Variants in INPP5D observed in about 807,000 individuals in gnomAD.
INPP5D encodes inositol polyphosphate-5-phosphatase D.
In INPP5D, 33 loss-of-function variants were observed where a neutral mutation model predicts 122.9. The observed-to-expected ratio is 0.27, with a 90% CI of 0.20 to 0.36. The LOEUF is 0.36. INPP5D is among the 10% of genes least tolerant of loss of function. The probability of loss-of-function intolerance (pLI) is 1.00; values close to 1 mark genes in which losing one functional copy is unlikely to be tolerated. For synonymous variants in INPP5D, 584 were observed against 576.2 expected, an observed-to-expected ratio of 1.01 and a Z score of -0.19; for missense variants, 1,053 against 1,412.7, an observed-to-expected ratio of 0.75 and a Z score of 4.08.
intron 6 of INPP5D, chr2:233,140,350 C>A (rs1171841770): frequency 1.3e-5 from 2 of 153,700 alleles, no homozygotes; most frequent in African/African-American, 4.8e-5. Context: ...TGGCAGGAGG[C>A]CAAGGTCGTG....
At chr2:233,175,506 C>A (rs1419642798) in intron 17 of INPP5D, among the ~76,000 whole-genome samples, 2 of 152,090 alleles carry the variant, frequency 1.3e-5, no homozygotes, top group African/African-American at 4.8e-5. Flanking sequence ...ATGAGGGAAG[C>A]TTTAGGATGA....
chr2:233,205,316 G>T (rs911929674), intron 26 of INPP5D: 1 of 133,880 alleles, frequency 7.5e-6, no homozygotes, highest in Admixed American at 8.2e-5. Flanking sequence ...CTGCACTCCA[G>T]CCTGGTGACA....
chr2:233,168,345 G>T (rs937728497), intron 13 of INPP5D, among the ~76,000 whole-genome samples: 1 of 152,222 alleles, frequency 6.6e-6, no homozygotes, highest in Admixed American at 6.5e-5. Flanking sequence ...CCACATTTCA[G>T]GTGTTTGATA....
chr2:233,118,156 C>T (rs1692857999), intron 2 of INPP5D, among the ~76,000 whole-genome samples: 1 of 152,146 alleles, frequency 6.6e-6, no homozygotes, highest in Non-Finnish European at 1.5e-5. Context: ...CACTGTCCAC[C>T]TGGAAGCCCC....
chr2:233,114,764 G>A (rs913109043), intron 2 of INPP5D, among the ~76,000 whole-genome samples: 1 of 152,156 alleles, frequency 6.6e-6, no homozygotes, highest in Non-Finnish European at 1.5e-5. Context: ...CACCACAGCC[G>A]AGTGGTGTTT....
intron 2 of INPP5D, among the ~76,000 whole-genome samples, chr2:233,083,956 G>A (rs1691760662): frequency 6.6e-6 from 1 of 152,152 alleles, no homozygotes; most frequent in Non-Finnish European, 1.5e-5. Context: ...TCACATCAAT[G>A]TTCTCTGTGA....
At position 233,146,382 on chromosome 2, in the gene INPP5D, C is replaced by T. The variant is rs1218933007; in HGVS notation, c.850C>T (p.His284Tyr). ...CTGCCCACAGGTCAAGGCCTTGCTG[C>T]ACGAGGGTCCTGAGTCTCCGCACCG... The part of the protein sequence containing the change: ...SIEDKVKALL[H>Y]EGPESPHRPS... Residue 284 changes from histidine (H) to tyrosine (Y), a missense_variant, in exon 8 of 27, where the codon CAC becomes TAC. Transcript: ENST00000445964. The T allele has an allele frequency of 1.4e-6, 1 of 704,324 alleles. No individual in the cohort carries two copies. The highest frequency in any genetic ancestry group is 1.5e-5 in the South Asian group (1 of 67,602). 43.6% of individuals were successfully genotyped at this position (704,324 alleles called of 1,614,324 possible). A position where few individuals can be genotyped will look rare whatever the true frequency, so the allele number is the denominator to read the frequency against.
rs371664239 is a variant in INPP5D, at chr2:233,204,387, C to T, written c.3237C>T (p.Pro1079=). 9 of 1,610,108 alleles carry T rather than the reference C, an allele frequency of 5.6e-6. No homozygotes were observed. Among genetic ancestry groups the T allele is most frequent in the African/African-American group, 2.7e-5 (2 of 74,844 alleles). The part of the protein sequence containing the change: ...DRGEGPGKQV[P]APRLRSFTCS... ...GCGAGGGGCCCGGCAAGCAGGTGCC[C>T]GCGCCCCGGCTGCGCTCCTTCACGT... is the stretch of plus-strand genomic sequence containing the variant. Residue 1079 remains proline, a synonymous_variant, in exon 26 of 27, where the codon CCC becomes CCT. Coordinates refer to ENST00000445964, the MANE Select transcript of INPP5D (RefSeq NM_001017915.3).
intron 25 of INPP5D, among the ~76,000 whole-genome samples, chr2:233,198,672 C>T (rs1392597278): frequency 8.5e-5 from 13 of 152,216 alleles, no homozygotes; most frequent in Admixed American, 6.5e-4. Flanking sequence ...TGTTTTGGGC[C>T]GGGCATGGTG....
At chr2:233,107,945 T>C (rs2106240208) in intron 2 of INPP5D, among the ~76,000 whole-genome samples, 1 of 152,228 alleles carries the variant, frequency 6.6e-6, no homozygotes, top group South Asian at 2.1e-4. Context: ...GCTTTTACCC[T>C]TTTCAAGTCT....
chr2:233,063,092 C>T (rs372879553), intron 1 of INPP5D, among the ~76,000 whole-genome samples: 15 of 152,272 alleles, frequency 9.9e-5, no homozygotes, highest in Admixed American at 6.5e-5. Context: ...CGTGGCCTGA[C>T]GGAGACGGCA....
At chr2:233,172,452 G>A (rs1694512733) in intron 17 of INPP5D, among the ~76,000 whole-genome samples, 1 of 152,148 alleles carries the variant, frequency 6.6e-6, no homozygotes, top group Non-Finnish European at 1.5e-5. Flanking sequence ...ACATTCAGCT[G>A]AGCAACAGCT....
In INPP5D at chr2:233,100,075, T is replaced by C. The variant is rs527651959; in HGVS notation, c.198+20677T>C. Among the ~76,000 whole-genome samples the C allele has an allele frequency of 1.3e-5, 2 of 152,332 alleles. No homozygotes were observed. The highest frequency in any genetic ancestry group is 3.9e-4 in the East Asian group (2 of 5,184). ...CCCACCGGGTTCCTCCCACGACACG[T>C]GGGAATTGTGGGAGTTACAATTCAA... is the stretch of plus-strand genomic sequence containing the variant. On this transcript the variant is annotated intron_variant, in intron 2 of 26. Coordinates refer to ENST00000445964, the MANE Select transcript of INPP5D (RefSeq NM_001017915.3). The surrounding 1 kb of genome is among the most constrained non-coding windows in gnomAD (Gnocchi z 5.3).
In INPP5D at chr2:233,146,369, C is replaced by A; in HGVS notation, c.837C>A (p.Val279=). ...TSLLSSIEDK[V]KALLHEGPES... ...GTCTCTAACGCTGCTGCCCACAGGT[C>A]AAGGCCTTGCTGCACGAGGGTCCTG... The change falls in exon 8 of 27, where the codon GTC becomes GTA. Residue 279 remains valine, a splice_region_variant and synonymous_variant. Coordinates refer to ENST00000445964, the MANE Select transcript of INPP5D (RefSeq NM_001017915.3). 1 of 704,308 alleles carries A rather than the reference C, an allele frequency of 1.4e-6. No homozygotes were observed. 43.6% of individuals were successfully genotyped at this position (704,308 alleles called of 1,614,324 possible). A position where few individuals can be genotyped will look rare whatever the true frequency, so the allele number is the denominator to read the frequency against.
chr2:233,187,723 G>T lies in INPP5D; in HGVS notation c.2358+1798G>T, dbSNP rs375167309. On this transcript the variant is annotated intron_variant, in intron 21 of 26. Transcript: ENST00000445964. The stretch of plus-strand genomic sequence containing the variant: ...CACTGAAGCCCCAGAAGAGCTGTCA[G>T]AAGTCCCTGTTCTGGGGCTGTCTTC... Among the ~76,000 whole-genome samples, 14 of 152,308 alleles carry T rather than the reference G, an allele frequency of 9.2e-5. 1 individual carries two copies. The highest frequency in any genetic ancestry group is 3.4e-4 in the African/African-American group (14 of 41,562).
intron 1 of INPP5D, among the ~76,000 whole-genome samples, chr2:233,073,185 C>T (rs1214028756): frequency 6.6e-6 from 1 of 152,122 alleles, no homozygotes; most frequent in Non-Finnish European, 1.5e-5. Context: ...GAGTGGGTCT[C>T]GCTGGGGGAG....
At chr2:233,073,312 T>C (rs1205943114) in intron 1 of INPP5D, among the ~76,000 whole-genome samples, 2 of 152,168 alleles carry the variant, frequency 1.3e-5, no homozygotes, top group Non-Finnish European at 2.9e-5. Flanking sequence ...TTAGGTTGGT[T>C]AATCTCTTCT....
intron 1 of INPP5D, among the ~76,000 whole-genome samples, chr2:233,064,076 T>C (rs766316089): frequency 2.0e-5 from 3 of 152,268 alleles, no homozygotes; most frequent in Non-Finnish European, 4.4e-5. Flanking sequence ...TTGTGCAATC[T>C]GCACAGGCAA....
chr2:233,130,607 C>T lies in INPP5D; in HGVS notation c.624C>T (p.His208=), dbSNP rs576262986. Residue 208 remains histidine (H), a synonymous_variant, in exon 5 of 27, where the codon CAC becomes CAT. Transcript: ENST00000445964. ...AGACAGGGTCCAGCAGTCTTCCTCA[C>T]CTGAAGAAACTGACCACACTGCTCT... ...FVKTGSSSLP[H]LKKLTTLLCK... is the part of the protein sequence containing the mutation. The T allele has an allele frequency of 6.2e-7, 1 of 1,613,970 alleles. No homozygotes were observed. The highest frequency in any genetic ancestry group is 1.7e-5 in the Admixed American group (1 of 60,010).
Sources: allele counts gnomAD v4.1 joint callset (sites outside exome capture counted in the v4.1 genomes callset), GRCh38; gene constraint gnomAD v4.1.1; non-coding constraint Gnocchi (gnomAD v3.1); transcripts MANE v1.5; gene names NCBI Gene and HGNC (gene_info 2026-07-23, HGNC 2026-07-21).